DPYSL5: variants seen among roughly 807,000 people sequenced by gnomAD.
DPYSL5 encodes dihydropyrimidinase like 5, also known as dihydropyrimidinase-related protein 5.
Under a neutral mutation model 58.4 loss-of-function variants are expected in DPYSL5, and 9 were observed. The ratio of observed to expected loss-of-function variants is 0.15; its 90% CI spans 0.09 to 0.27. The LOEUF (loss-of-function observed/expected upper bound fraction) is 0.27, where lower values mean the gene tolerates loss of function less well. DPYSL5 is among the 10% of genes least tolerant of loss of function. DPYSL5 has a pLI of 1.00. For synonymous variants in DPYSL5, 293 were observed against 301.9 expected (o/e 0.97, Z 0.31); for missense variants, 499 against 770.6 (o/e 0.65, Z 4.17).
At chr2:26,936,623 A>C (rs1301722986) in intron 8 of DPYSL5, among the ~76,000 whole-genome samples, 4 of 152,178 alleles carry the variant, frequency 2.6e-5, no homozygotes, top group African/African-American at 9.7e-5. Context: ...GTAAAGATTA[A>C]GAGAGAAATG....
intron 5 of DPYSL5, among the ~76,000 whole-genome samples, chr2:26,930,443 G>T (rs535208740): frequency 2.6e-5 from 4 of 152,324 alleles, no homozygotes; most frequent in Non-Finnish European, 5.9e-5. Context: ...AACCTGGGGG[G>T]CAGGGCGGAT....
At chr2:26,945,179 A>T (rs1665436662) in intron 12 of DPYSL5, among the ~76,000 whole-genome samples, 1 of 151,492 alleles carries the variant, frequency 6.6e-6, no homozygotes, top group Non-Finnish European at 1.5e-5. Context: ...GGTTCACGGG[A>T]CTGCACCGAC....
chr2:26,918,087 G>A (rs551613030), intron 2 of DPYSL5, among the ~76,000 whole-genome samples: 113 of 132,380 alleles, frequency 8.5e-4, no homozygotes, highest in African/African-American at 3.2e-3. Context: ...CAGTAGCTGA[G>A]ATCATGCCAC....
At chr2:26,874,607 T>C (rs1212700949) in intron 1 of DPYSL5, among the ~76,000 whole-genome samples, 2 of 152,270 alleles carry the variant, frequency 1.3e-5, no homozygotes, top group Non-Finnish European at 2.9e-5. Context: ...CACACTGTCT[T>C]GATAACTGTA....
intron 2 of DPYSL5, among the ~76,000 whole-genome samples, chr2:26,920,017 A>G (rs963725639): frequency 3.3e-5 from 5 of 152,244 alleles, no homozygotes; most frequent in African/African-American, 1.2e-4. Context: ...TATTATTTGT[A>G]TAATTTTTTT....
chr2:26,910,271 A>G (rs1424919816), intron 2 of DPYSL5, among the ~76,000 whole-genome samples: 1 of 152,172 alleles, frequency 6.6e-6, no homozygotes, highest in Non-Finnish European at 1.5e-5. Flanking sequence ...TGTCTGTTTT[A>G]TGGTAGGTCT....
At position 26,940,000 on chromosome 2, in the gene DPYSL5, C is replaced by T. The variant is rs376881505; in HGVS notation, c.948-31C>T. 1.4e-5 allele frequency: 23 copies of T among 1,613,574 alleles called. No individual in the cohort carries two copies. The African/African-American group carries it at 3.1e-4, about 22-fold the overall frequency. On this transcript the variant is annotated intron_variant, in intron 8 of 12. Transcript: ENST00000288699. ...CCTCTAAGTTCCTCACCTCCCCTCC[C>T]CTTACTGGTCACCTCCTTTTCTCTA...
chr2:26,861,811 C>A (rs1467840224), intron 1 of DPYSL5, among the ~76,000 whole-genome samples: 1 of 152,174 alleles, frequency 6.6e-6, no homozygotes, highest in Non-Finnish European at 1.5e-5. Context: ...TGTGGCAGGA[C>A]CTGTGACCTG....
At chr2:26,896,381 A>C (rs1664021285) in intron 1 of DPYSL5, among the ~76,000 whole-genome samples, 1 of 152,200 alleles carries the variant, frequency 6.6e-6, no homozygotes, top group Non-Finnish European at 1.5e-5. Context: ...ATCTGATTTC[A>C]TTTCCCTTGG....
intron 1 of DPYSL5, among the ~76,000 whole-genome samples, chr2:26,881,042 C>G (rs1323315764): frequency 2.0e-5 from 3 of 152,126 alleles, no homozygotes; most frequent in Non-Finnish European, 4.4e-5. Flanking sequence ...TGTGTGAGCT[C>G]TTGAGATGAT....
chr2:26,862,204 A>G (rs1666033089), intron 1 of DPYSL5, among the ~76,000 whole-genome samples: 1 of 152,252 alleles, frequency 6.6e-6, no homozygotes, highest in Non-Finnish European at 1.5e-5. Context: ...TGTTGTTTTA[A>G]GCCACTAAAT....
At chr2:26,904,408 T>C (rs1664239542) in intron 2 of DPYSL5, among the ~76,000 whole-genome samples, 1 of 152,226 alleles carries the variant, frequency 6.6e-6, no homozygotes. Context: ...GTATTCTGTT[T>C]CTGGTAAATT....
At chr2:26,895,301 T>C (rs1322742342) in intron 1 of DPYSL5, among the ~76,000 whole-genome samples, 2 of 152,232 alleles carry the variant, frequency 1.3e-5, no homozygotes, top group African/African-American at 4.8e-5. Flanking sequence ...GCATTAAACA[T>C]GTATGTCAAT....
At chr2:26,946,577 C>T (rs1665491221) in intron 12 of DPYSL5, among the ~76,000 whole-genome samples, 1 of 152,206 alleles carries the variant, frequency 6.6e-6, no homozygotes, top group Non-Finnish European at 1.5e-5. Flanking sequence ...TGTACAAAGG[C>T]CCATGTGCCA....
intron 1 of DPYSL5, among the ~76,000 whole-genome samples, chr2:26,869,898 C>T (rs1181956784): frequency 6.6e-6 from 1 of 152,106 alleles, no homozygotes; most frequent in African/African-American, 2.4e-5. Context: ...GTAGTCCCAG[C>T]TACTTGGGAG....
intron 5 of DPYSL5, among the ~76,000 whole-genome samples, chr2:26,928,704 TACACACAC>T (rs1553320464): frequency 8.0e-4 from 50 of 62,892 alleles, no homozygotes; most frequent in Non-Finnish European, 9.9e-4. Flanking sequence ...TATATATATA[TACACACAC>T]ACACATACAT....
chr2:26,906,898 C>T (rs1664306244), intron 2 of DPYSL5, among the ~76,000 whole-genome samples: 1 of 151,952 alleles, frequency 6.6e-6, no homozygotes, highest in South Asian at 2.1e-4. Flanking sequence ...GTAGCTGGGA[C>T]TGCAGGCACA....
chr2:26,927,241 C>T lies in DPYSL5; in HGVS notation c.421-12C>T. The T allele has an allele frequency of 6.2e-7, 1 of 1,610,682 alleles. No homozygotes were observed. Among genetic ancestry groups the T allele is most frequent in the Admixed American group, 1.7e-5 (1 of 59,608 alleles). ...GCCCTCACGCAGCATTGCCCTTCTACTTGTTCTCCAGGTGAAAGCAGAAAT... is the reference window on the plus strand; with the variant it reads ...GCCCTCACGCAGCATTGCCCTTCTATTTGTTCTCCAGGTGAAAGCAGAAAT... On this transcript the variant is annotated splice_polypyrimidine_tract_variant and intron_variant, in intron 3 of 12. Coordinates refer to ENST00000288699, the MANE Select transcript of DPYSL5 (RefSeq NM_020134.4). This position sits in a 1 kb window ranked among gnomAD's most constrained non-coding sequence, Gnocchi z 4.3.
At position 26,849,300 on chromosome 2, in the gene DPYSL5, C is replaced by T. The variant is rs1200164805; in HGVS notation, c.-5+1046C>T. 6.6e-6 allele frequency among the ~76,000 whole-genome samples: 1 copy of T among 150,744 alleles called. No individual in the cohort carries two copies. The highest frequency in any genetic ancestry group is 1.5e-5 in the Non-Finnish European group (1 of 67,614). ...AGGACGGGAGCGAGGAGAAGACCCG[C>T]GCTGTGCGGGGGAGGGGGGCCTCCT... On this transcript the variant is annotated intron_variant, in intron 1 of 12. Transcript: ENST00000288699. This position sits in a 1 kb window ranked among gnomAD's most constrained non-coding sequence, Gnocchi z 6.2.
Sources: allele counts gnomAD v4.1 joint callset (sites outside exome capture counted in the v4.1 genomes callset), GRCh38; gene constraint gnomAD v4.1.1; non-coding constraint Gnocchi (gnomAD v3.1); transcripts MANE v1.5; gene names NCBI Gene and HGNC (gene_info 2026-07-23, HGNC 2026-07-21).